INSL6: variants seen among roughly 807,000 people sequenced by gnomAD.
The protein encoded by INSL6 is insulin-like peptide INSL6.
A neutral mutation model predicts 9.4 loss-of-function variants in INSL6; 16 were observed. The observed-to-expected ratio is 1.70, with a 90% CI of 1.15 to 2.59. INSL6 has a LOEUF of 2.59. Among genes scored for constraint, INSL6 ranks in the 30% most tolerant of loss-of-function variants. The pLI, the probability that INSL6 is intolerant of heterozygous loss-of-function variation, is 0.00. For missense variants in INSL6, 391 were observed against 257.3 expected, an observed-to-expected ratio of 1.52 and a Z score of -3.56; for synonymous variants, 154 against 96.9, an observed-to-expected ratio of 1.59 and a Z score of -3.46.
At chr9:5,090,095 C>G in the INSL6 span, among the ~76,000 whole-genome samples, 1 of 152,076 alleles carries the variant, frequency 6.6e-6, no homozygotes, top group Non-Finnish European at 1.5e-5. Flanking sequence ...AAGAAAGTAT[C>G]ATTTTTAAAG....
intron 3 of INSL6, chr9:5,127,353 C>G (rs1824068274): frequency 8.6e-6 from 2 of 231,960 alleles, no homozygotes; most frequent in African/African-American, 4.4e-5. Flanking sequence ...ATTTATATCG[C>G]TGGCCAGCAT....
the INSL6 span, among the ~76,000 whole-genome samples, chr9:5,115,408 A>G: frequency 5.9e-5 from 9 of 152,232 alleles, no homozygotes; most frequent in Admixed American, 2.0e-4. Flanking sequence ...AAGTCAGGCA[A>G]CAACAGATGC....
At chr9:5,040,891 G>T in the INSL6 span, 1 of 297,970 alleles carries the variant, frequency 3.4e-6, no homozygotes, top group Non-Finnish European at 6.4e-6. Flanking sequence ...CCGCGCTGCT[G>T]AAGCCTGGCC....
In INSL6 at chr9:5,185,398, A is replaced by G; in HGVS notation, c.205T>C (p.Ser69Pro). The change falls in exon 1 of 2, where the codon TCG (serine) becomes CCG (proline). Residue 69 changes from serine (S) to proline (P), a missense_variant. Ser to Pro is a moderately conservative substitution (Grantham distance 74, BLOSUM62 -1). Transcript: ENST00000381641. ...GGGCTGTAGGCTTCGACCTTCTCCG[A>G]GGCCTGTGCAATCAACCGTGAGAAA... ...TPFSRLIAQASEKVEAYSPYQ... is the reference protein window; with the variant it reads ...TPFSRLIAQAPEKVEAYSPYQ... 6.2e-7 allele frequency: 1 copy of G among 1,614,152 alleles called. No homozygotes were observed. The highest frequency in any genetic ancestry group is 1.1e-5 in the South Asian group (1 of 91,064).
the INSL6 span, among the ~76,000 whole-genome samples, chr9:5,091,771 G>A: frequency 2.6e-5 from 4 of 152,238 alleles, no homozygotes; most frequent in Admixed American, 2.6e-4. Flanking sequence ...TCGGGGGGCT[G>A]AATGGTGAAT....
chr9:5,124,732 T>C (rs930316210), intron 3 of INSL6, among the ~76,000 whole-genome samples: 3 of 151,612 alleles, frequency 2.0e-5, no homozygotes, highest in East Asian at 3.8e-4. Flanking sequence ...TGGAACAGAA[T>C]AGAAAACCCA....
chr9:5,043,156 C>T, the INSL6 span, among the ~76,000 whole-genome samples: 93,917 of 152,012 alleles, frequency 0.62, 31,179 homozygotes, highest in African/African-American at 0.88. Flanking sequence ...GGGGGGTCTG[C>T]GGGCGGCCCT....
At chr9:5,047,037 C>G in the INSL6 span, among the ~76,000 whole-genome samples, 1 of 152,038 alleles carries the variant, frequency 6.6e-6, no homozygotes. Context: ...GAAGGATTGT[C>G]TTATCTAGCA....
intron 3 of INSL6, among the ~76,000 whole-genome samples, chr9:5,131,323 A>T (rs954548239): frequency 2.0e-5 from 3 of 152,078 alleles, no homozygotes; most frequent in African/African-American, 7.2e-5. Context: ...CCTTAGTAAC[A>T]TTTAAGACCC....
chr9:5,174,483 C>T (rs980960711), intron 1 of INSL6, among the ~76,000 whole-genome samples: 20 of 152,150 alleles, frequency 1.3e-4, no homozygotes, highest in African/African-American at 9.7e-5. Flanking sequence ...TTGGTTTCCA[C>T]GATATCACAC....
At chr9:5,044,714 A>G in the INSL6 span, among the ~76,000 whole-genome samples, 2 of 145,184 alleles carry the variant, frequency 1.4e-5, no homozygotes, top group Admixed American at 6.6e-5. Flanking sequence ...AATAGAATCT[A>G]TTTTATAAAG....
the INSL6 span, among the ~76,000 whole-genome samples, chr9:5,095,499 T>C: frequency 6.6e-6 from 1 of 151,996 alleles, no homozygotes; most frequent in Non-Finnish European, 1.5e-5. Context: ...ACACTACTAA[T>C]CAATTTTCAT....
intron 1 of INSL6, among the ~76,000 whole-genome samples, chr9:5,169,061 G>A (rs999805412): frequency 6.6e-6 from 1 of 151,962 alleles, no homozygotes; most frequent in Non-Finnish European, 1.5e-5. Flanking sequence ...CAAGTCCCTG[G>A]GATTAGAGGC....
the INSL6 span, among the ~76,000 whole-genome samples, chr9:5,020,835 T>C: frequency 1.3e-5 from 2 of 152,028 alleles, no homozygotes; most frequent in African/African-American, 2.4e-5. Context: ...AGTGGGGCTC[T>C]AGGGGTGTGG....
chr9:5,022,033 A>C, the INSL6 span: 3 of 1,614,122 alleles, frequency 1.9e-6, no homozygotes, highest in Non-Finnish European at 2.5e-6. Flanking sequence ...GGGAACATCC[A>C]CCTCTTCTAT....
chr9:5,070,065 A>C, the INSL6 span: 2 of 1,584,708 alleles, frequency 1.3e-6, no homozygotes, highest in Non-Finnish European at 1.7e-6. Context: ...AAGTCATTAG[A>C]TACTCATTAC....
At chr9:5,112,133 TG>T in the INSL6 span, 1 of 311,252 alleles carries the variant, frequency 3.2e-6, no homozygotes, top group South Asian at 2.6e-5. Context: ...AGCCACGCCA[TG>T]GGCACGGCTA....
the INSL6 span, chr9:5,099,683 T>A: frequency 6.6e-6 from 1 of 152,188 alleles, no homozygotes; most frequent in Admixed American, 6.5e-5. Context: ...AACCGATTAT[T>A]TTCTATTCAA....
the INSL6 span, among the ~76,000 whole-genome samples, chr9:5,006,375 T>G: frequency 6.6e-6 from 1 of 152,208 alleles, no homozygotes; most frequent in Non-Finnish European, 1.5e-5. Context: ...GCTTATCAGC[T>G]TAAGGAGATT....
Sources: allele counts gnomAD v4.1 joint callset (sites outside exome capture counted in the v4.1 genomes callset), GRCh38; gene constraint gnomAD v4.1.1; transcripts MANE v1.5; gene names NCBI Gene and HGNC (gene_info 2026-07-23, HGNC 2026-07-21).